HNF4G: variants seen among roughly 807,000 people sequenced by gnomAD.
HNF4G encodes hepatocyte nuclear factor 4 gamma.
A neutral mutation model predicts 50.9 loss-of-function variants in HNF4G; 21 were observed. The ratio of observed to expected loss-of-function variants is 0.41; its 90% confidence interval spans 0.29 to 0.59. HNF4G has a LOEUF of 0.59. Among genes scored for constraint, HNF4G ranks in the 20% least tolerant of loss-of-function variants. The pLI, the probability that HNF4G is intolerant of heterozygous loss-of-function variation, is 0.26. For missense variants in HNF4G, 527 were observed against 559.4 expected (o/e 0.94, Z 0.58); for synonymous variants, 198 against 185.6 (o/e 1.07, Z -0.54).
chr8:75,545,896 C>T (rs1315633317), intron 2 of HNF4G, among the ~76,000 whole-genome samples: 1 of 151,812 alleles, frequency 6.6e-6, no homozygotes, highest in Non-Finnish European at 1.5e-5. Flanking sequence ...ATGCATTCTC[C>T]TTGTGTTTTT....
intron 2 of HNF4G, among the ~76,000 whole-genome samples, chr8:75,495,033 C>A (rs926062064): frequency 1.6e-4 from 24 of 151,986 alleles, no homozygotes; most frequent in African/African-American, 7.2e-5. Flanking sequence ...TATCAAATAA[C>A]AAAACACTGA....
chr8:75,502,734 AGT>A (rs781736847), intron 2 of HNF4G, among the ~76,000 whole-genome samples: 1 of 152,154 alleles, frequency 6.6e-6, no homozygotes, highest in Non-Finnish European at 1.5e-5. Flanking sequence ...ATTGCTTTGA[AGT>A]AATTTGACCT....
chr8:75,467,709 C>G (rs1812018763), intron 1 of HNF4G, among the ~76,000 whole-genome samples: 1 of 151,550 alleles, frequency 6.6e-6, no homozygotes, highest in South Asian at 2.1e-4. Context: ...ACACTGAAGT[C>G]ACAAATTTTT....
intron 1 of HNF4G, among the ~76,000 whole-genome samples, chr8:75,409,480 CTTT>C (rs5892492): frequency 1.3e-4 from 9 of 67,332 alleles, no homozygotes; most frequent in African/African-American, 2.4e-4. Context: ...GTGCCTTGTT[CTTT>C]TTTTTTTTTT....
intron 1 of HNF4G, among the ~76,000 whole-genome samples, chr8:75,413,308 AGGGAGGGAAG>A (rs1248244449): frequency 1.3e-4 from 7 of 55,354 alleles, no homozygotes; most frequent in Non-Finnish European, 2.3e-4. Flanking sequence ...GGAGAGGACA[AGGGAGGGAAG>A]GGGAGGGGAA....
intron 2 of HNF4G, among the ~76,000 whole-genome samples, chr8:75,529,746 A>G (rs972865634): frequency 2.6e-5 from 4 of 152,106 alleles, no homozygotes; most frequent in African/African-American, 9.7e-5. Context: ...CCTTTCACTA[A>G]TTTCTACTTG....
At chr8:75,471,805 T>C (rs897421479) in intron 1 of HNF4G, among the ~76,000 whole-genome samples, 1 of 152,170 alleles carries the variant, frequency 6.6e-6, no homozygotes, top group Non-Finnish European at 1.5e-5. Context: ...GTACTCCCAA[T>C]GTTGTGAGGA....
intron 1 of HNF4G, among the ~76,000 whole-genome samples, chr8:75,446,754 A>G (rs1811425873): frequency 8.9e-6 from 1 of 111,826 alleles, no homozygotes; most frequent in Admixed American, 8.8e-5. Context: ...AAGGAGAACT[A>G]CAAACCACTG....
chr8:75,533,488 G>T (rs957409192), intron 2 of HNF4G, among the ~76,000 whole-genome samples: 1 of 151,806 alleles, frequency 6.6e-6, no homozygotes, highest in Non-Finnish European at 1.5e-5. Context: ...ACAATTCCAG[G>T]TTTCTTACTT....
At chr8:75,513,279 C>A (rs922269695) in intron 2 of HNF4G, among the ~76,000 whole-genome samples, 3 of 152,166 alleles carry the variant, frequency 2.0e-5, no homozygotes, top group African/African-American at 7.2e-5. Context: ...CTCAGGTGAT[C>A]TGCCTGCCTC....
chr8:75,547,982 A>G (rs1400207452), intron 3 of HNF4G, among the ~76,000 whole-genome samples: 1 of 145,342 alleles, frequency 6.9e-6, no homozygotes, highest in Non-Finnish European at 1.5e-5. Flanking sequence ...GTGGGTTGAA[A>G]TTACAGATTT....
At chr8:75,527,888 T>G (rs1806225185) in intron 2 of HNF4G, among the ~76,000 whole-genome samples, 1 of 152,238 alleles carries the variant, frequency 6.6e-6, no homozygotes, top group Non-Finnish European at 1.5e-5. Flanking sequence ...TCTGCTAACT[T>G]TATTTAAACA....
chr8:75,542,485 G>A (rs1412031578), intron 1 of HNF4G, among the ~76,000 whole-genome samples: 1 of 144,774 alleles, frequency 6.9e-6, no homozygotes, highest in Admixed American at 7.1e-5. Flanking sequence ...CCAGACAGAA[G>A]GAACAGCAGG....
Position 75,550,884 on chromosome 8 carries a change from G to A in HNF4G, c.383-504G>A, listed in dbSNP as rs1563551396. Among the ~76,000 whole-genome samples, 3 of 151,960 alleles carry A rather than the reference G, an allele frequency of 2.0e-5. No homozygotes were observed. In the South Asian group the frequency reaches 6.2e-4, roughly 31 times the overall value. ...GTTGGTAAACTGTCCCATGGACAGT[G>A]TTTTATAAGAGATCATAATATTGCA... is the stretch of plus-strand genomic sequence containing the variant. On this transcript the variant is annotated intron_variant, in intron 3 of 9. Transcript: ENST00000396423.
rs1248081121 is a variant in HNF4G, at chr8:75,447,021, A to C, written c.-144+38859A>C. ...AAAGCTGGAGGCATCACACTACCTG[A>C]CTTCAAAGTATACTACAAGGCTACA... On this transcript the variant is annotated intron_variant, in intron 1 of 10. Transcript: ENST00000354370. Among the ~76,000 whole-genome samples the C allele has an allele frequency of 1.0e-4, 15 of 146,452 alleles. No homozygotes were observed. In the South Asian group the frequency reaches 3.1e-3, roughly 30 times the overall value.
chr8:75,414,601 A>C (rs1371426001), intron 1 of HNF4G, among the ~76,000 whole-genome samples: 1 of 152,106 alleles, frequency 6.6e-6, no homozygotes, highest in Non-Finnish European at 1.5e-5. Flanking sequence ...TGGACCTGTA[A>C]ATTCATTTGC....
At chr8:75,553,424 A>G (rs1807025062) in intron 5 of HNF4G, among the ~76,000 whole-genome samples, 1 of 152,152 alleles carries the variant, frequency 6.6e-6, no homozygotes, top group Admixed American at 6.6e-5. Flanking sequence ...TTGGACAAGA[A>G]CTGAACAAAA....
chr8:75,418,655 G>A (rs770407207), intron 1 of HNF4G, among the ~76,000 whole-genome samples: 18 of 151,876 alleles, frequency 1.2e-4, no homozygotes, highest in Middle Eastern at 6.8e-3. Context: ...GATGATATCC[G>A]GAGTCACTGA....
intron 1 of HNF4G, among the ~76,000 whole-genome samples, chr8:75,483,044 A>G (rs1331875983): frequency 6.6e-6 from 1 of 152,152 alleles, no homozygotes; most frequent in African/African-American, 2.4e-5. Context: ...ACACTTTTAA[A>G]CTCAATGACA....
Sources: gnomAD v4.1 joint callset for allele counts (sites outside exome capture counted in the v4.1 genomes callset) on GRCh38, gnomAD v4.1.1 for gene constraint, MANE v1.5 for transcripts, NCBI Gene and HGNC (gene_info 2026-07-23, HGNC 2026-07-21) for gene names.